The following PCDHGA1 variants were observed in gnomAD, a reference collection of about 807,000 sequenced individuals.
PCDHGA1 encodes protocadherin gamma-A1.
PCDHGA1 carries 32 observed loss-of-function variants against 58.0 expected under a neutral mutation model. The observed-to-expected ratio is 0.55, with a 90% CI of 0.42 to 0.74. The LOEUF (loss-of-function observed/expected upper bound fraction) is 0.74. PCDHGA1 is among the 30% of genes least tolerant of loss of function. The pLI is 0.00. For missense variants in PCDHGA1, 1,205 were observed against 1,182.3 expected (o/e 1.02, Z -0.28); for synonymous variants, 498 against 501.1 (o/e 0.99, Z 0.08).
chr5:141,412,805 A>G (rs2095578499), intron 1 of PCDHGA1, among the ~76,000 whole-genome samples: 1 of 152,246 alleles, frequency 6.6e-6, no homozygotes, highest in Non-Finnish European at 1.5e-5. Context: ...ACCTCCCCTA[A>G]GAAACCTACA....
At chr5:141,372,707 G>A (rs1451654894) in intron 1 of PCDHGA1, 2 of 1,613,964 alleles carry the variant, frequency 1.2e-6, no homozygotes, top group Non-Finnish European at 1.7e-6. Flanking sequence ...TCAATATAAA[G>A]GCTGAAAATG....
intron 1 of PCDHGA1, chr5:141,478,028 G>A (rs2099428840): frequency 6.2e-7 from 1 of 1,614,060 alleles, no homozygotes; most frequent in South Asian, 1.1e-5. Flanking sequence ...CCAAGACACA[G>A]ATTCACCCAG....
chr5:141,349,949 A>G (rs1309563072), intron 1 of PCDHGA1, among the ~76,000 whole-genome samples: 1 of 152,216 alleles, frequency 6.6e-6, no homozygotes, highest in South Asian at 2.1e-4. Flanking sequence ...TCCCTCCAGC[A>G]AATTAAAGAC....
At chr5:141,435,271 T>C (rs1242477213) in intron 1 of PCDHGA1, among the ~76,000 whole-genome samples, 1 of 152,216 alleles carries the variant, frequency 6.6e-6, no homozygotes, top group African/African-American at 2.4e-5. Context: ...CCATTTATAC[T>C]TTCTCAGTAT....
chr5:141,428,199 C>T (rs760718878), intron 1 of PCDHGA1: 28 of 1,364,510 alleles, frequency 2.1e-5, no homozygotes, highest in Non-Finnish European at 2.9e-5. Flanking sequence ...CTCTCTGCGC[C>T]GCTACGCTTC....
intron 1 of PCDHGA1, chr5:141,389,516 G>A: frequency 6.2e-7 from 1 of 1,613,168 alleles, no homozygotes; most frequent in Non-Finnish European, 8.5e-7. Context: ...GCGCGAACGT[G>A]AGCCTGCGCG....
At chr5:141,383,976 C>T (rs1438303235) in intron 1 of PCDHGA1, 1 of 1,613,642 alleles carries the variant, frequency 6.2e-7, no homozygotes, top group Non-Finnish European at 8.5e-7. Context: ...TCCCTGAAGA[C>T]ACACCTCTTG....
chr5:141,385,687 C>T, intron 1 of PCDHGA1: 1 of 334,978 alleles, frequency 3.0e-6, no homozygotes, highest in Non-Finnish European at 4.4e-6. Context: ...GCTGTCTTCT[C>T]AGGATTCTCT....
chr5:141,393,931 A>G (rs2092877378), intron 1 of PCDHGA1: 6 of 1,614,002 alleles, frequency 3.7e-6, no homozygotes, highest in Middle Eastern at 1.6e-4. Flanking sequence ...AGTGTGCATG[A>G]CCAAGACTCT....
At chr5:141,448,058 C>G (rs2098560499) in intron 1 of PCDHGA1, among the ~76,000 whole-genome samples, 2 of 151,936 alleles carry the variant, frequency 1.3e-5, no homozygotes, top group Non-Finnish European at 2.9e-5. Flanking sequence ...TGCTCTCCAG[C>G]CTGGGCAACA....
Position 141,469,939 on chromosome 5 carries a change from T to G in PCDHGA1, c.2422-24868T>G, listed in dbSNP as rs1376169822. Among the ~76,000 whole-genome samples, 3 of 152,186 alleles carry G rather than the reference T, an allele frequency of 2.0e-5. No individual in the cohort carries two copies. The East Asian group carries it at 5.8e-4, about 29-fold the overall frequency. On this transcript the variant is annotated intron_variant, in intron 1 of 3. Transcript: ENST00000517417. ...CGAGGTCAGGAGTTTGAGACCAGCC[T>G]GGCCAGCATGGTGAAACCCCATCTG...
intron 1 of PCDHGA1, among the ~76,000 whole-genome samples, chr5:141,386,755 G>A (rs72790029): frequency 0.064 from 9,806 of 152,198 alleles, 370 homozygotes; most frequent in African/African-American, 0.1. Context: ...GCAGAACTAC[G>A]GTTATAAGGT....
intron 1 of PCDHGA1, among the ~76,000 whole-genome samples, chr5:141,353,542 T>C (rs1272811023): frequency 6.6e-6 from 1 of 152,226 alleles, no homozygotes; most frequent in African/African-American, 2.4e-5. Flanking sequence ...ATCACTAACT[T>C]TGAGTCAATA....
At chr5:141,388,972 A>G in intron 1 of PCDHGA1, 1 of 1,614,008 alleles carries the variant, frequency 6.2e-7, no homozygotes, top group Non-Finnish European at 8.5e-7. Context: ...CTGGGAACAC[A>G]TATTGCTTTG....
At chr5:141,430,301 C>G (rs985986465) in intron 1 of PCDHGA1, among the ~76,000 whole-genome samples, 2 of 150,982 alleles carry the variant, frequency 1.3e-5, no homozygotes, top group Non-Finnish European at 2.9e-5. Context: ...AGCAGATGCA[C>G]TAACATTATA....
At chr5:141,394,552 G>T (rs368792885) in intron 1 of PCDHGA1, 4 of 1,614,070 alleles carry the variant, frequency 2.5e-6, no homozygotes, top group East Asian at 4.5e-5. Flanking sequence ...CTGGCGCCCC[G>T]CTCCGCAGAG....
intron 1 of PCDHGA1, chr5:141,344,236 C>T (rs1391043443): frequency 1.2e-6 from 2 of 1,613,924 alleles, no homozygotes; most frequent in African/African-American, 1.3e-5. Context: ...CGCATCGTCT[C>T]CAGAGGTAGG....
At chr5:141,419,004 T>C in intron 1 of PCDHGA1, 1 of 1,613,886 alleles carries the variant, frequency 6.2e-7, no homozygotes, top group Non-Finnish European at 8.5e-7. Context: ...AATGGGGAAG[T>C]CAGGTGTAGC....
In PCDHGA1 at chr5:141,409,580, C is replaced by T. The variant is rs969743613; in HGVS notation, c.2421+76475C>T. The T allele has an allele frequency of 3.7e-6, 6 of 1,613,922 alleles. No homozygotes were observed. The Admixed American group carries it at 8.3e-5, about 22-fold the overall frequency. The stretch of plus-strand genomic sequence containing the variant: ...TTTCGACCAGACGTCCTACGTGGTC[C>T]ACGTGGCCGAGAACAACCCGCCAGG... On this transcript the variant is annotated intron_variant, in intron 1 of 3. Transcript: ENST00000517417.
Sources: allele counts gnomAD v4.1 joint callset (sites outside exome capture counted in the v4.1 genomes callset), GRCh38; gene constraint gnomAD v4.1.1; transcripts MANE v1.5; gene names NCBI Gene and HGNC (gene_info 2026-07-23, HGNC 2026-07-21).